BMERB1: variants seen among roughly 807,000 people sequenced by gnomAD.
BMERB1 encodes the protein bMERB domain-containing protein 1.
In BMERB1, 12 loss-of-function variants were observed where a neutral mutation model predicts 23.6. That is an observed-to-expected ratio of 0.51 (90% CI 0.33 to 0.82). BMERB1 has a LOEUF of 0.82. Ranked by LOEUF, BMERB1 falls within the 40% of genes least tolerant of loss-of-function variation. The pLI is 0.03. For synonymous variants in BMERB1, 122 were observed against 96.6 expected, an observed-to-expected ratio of 1.26 and a Z score of -1.54; for missense variants, 247 against 255.4, an observed-to-expected ratio of 0.97 and a Z score of 0.22.
chr16:15,494,622 A>C lies in BMERB1; in HGVS notation c.107-20683A>C, dbSNP rs139472229. Among the ~76,000 whole-genome samples, 1,047 of 152,258 alleles carry C rather than the reference A, an allele frequency of 6.9e-3. 5 individuals are homozygous for C. The highest frequency in any genetic ancestry group is 0.01 in the Middle Eastern group (3 of 294). On this transcript the variant is annotated intron_variant, in intron 1 of 5. Coordinates refer to ENST00000300006, the MANE Select transcript of BMERB1 (RefSeq NM_033201.3). The stretch of plus-strand genomic sequence containing the variant: ...CCTTAATGTGATAAAACTTTGCCTT[A>C]GACGGAGTTTGCTTTTTGGAATAAC...
chr16:15,500,037 T>C (rs2051512875), intron 1 of BMERB1, among the ~76,000 whole-genome samples: 2 of 151,888 alleles, frequency 1.3e-5, no homozygotes, highest in Admixed American at 1.3e-4. Context: ...GTGAGGGGGG[T>C]AGAGGGGAAT....
At chr16:15,456,622 A>C (rs1446361584) in intron 1 of BMERB1, among the ~76,000 whole-genome samples, 1 of 151,926 alleles carries the variant, frequency 6.6e-6, no homozygotes, top group Non-Finnish European at 1.5e-5. Flanking sequence ...ACACTGCATC[A>C]GCCAAAAAAA....
At chr16:15,435,002 C>T (rs2050875851) in intron 1 of BMERB1, among the ~76,000 whole-genome samples, 1 of 152,268 alleles carries the variant, frequency 6.6e-6, no homozygotes, top group African/African-American at 2.4e-5. Flanking sequence ...GCAGCTAAGG[C>T]AGGAGCCTGG....
intron 1 of BMERB1, among the ~76,000 whole-genome samples, chr16:15,438,767 CTAGA>C (rs2050910999): frequency 6.6e-6 from 1 of 152,138 alleles, no homozygotes; most frequent in Non-Finnish European, 1.5e-5. Flanking sequence ...GGCCTGTTTT[CTAGA>C]TGCGTGTTTG....
intron 1 of BMERB1, among the ~76,000 whole-genome samples, chr16:15,505,691 C>T (rs1469077982): frequency 6.6e-6 from 1 of 151,926 alleles, no homozygotes; most frequent in African/African-American, 2.4e-5. Flanking sequence ...AGATCGAGAC[C>T]ATCCTGGCTA....
chr16:15,585,209 G>A (rs1297855516), intron 5 of BMERB1, among the ~76,000 whole-genome samples: 1 of 152,214 alleles, frequency 6.6e-6, no homozygotes, highest in Non-Finnish European at 1.5e-5. Context: ...TTCATGAAAG[G>A]CAAGGTAGAA....
At chr16:15,561,672 C>T (rs1052677553) in intron 2 of BMERB1, among the ~76,000 whole-genome samples, 6 of 152,094 alleles carry the variant, frequency 3.9e-5, no homozygotes, top group African/African-American at 1.2e-4. Context: ...ATGGGAGGAT[C>T]GCTTGAGGCT....
intron 1 of BMERB1, among the ~76,000 whole-genome samples, chr16:15,444,822 C>G (rs1352342012): frequency 5.3e-5 from 8 of 152,024 alleles, no homozygotes; most frequent in African/African-American, 1.9e-4. Flanking sequence ...ACCTTTTTTT[C>G]CCCCACCTCA....
chr16:15,501,148 T>C (rs1443303727), intron 1 of BMERB1, among the ~76,000 whole-genome samples: 1 of 152,120 alleles, frequency 6.6e-6, no homozygotes, highest in African/African-American at 2.4e-5. Context: ...TTTATCTTTT[T>C]TTTTATTTTT....
At chr16:15,519,839 C>T (rs535179738) in intron 2 of BMERB1, among the ~76,000 whole-genome samples, 9 of 152,248 alleles carry the variant, frequency 5.9e-5, no homozygotes, top group African/African-American at 2.2e-4. Context: ...GCCTGTTCTT[C>T]CTCTTTTCCT....
rs371985961 is a variant in BMERB1, at chr16:15,488,832, C to A, written c.107-26473C>A. Among the ~76,000 whole-genome samples, 371 of 97,692 alleles carry A rather than the reference C, an allele frequency of 3.8e-3. 2 individuals carry two copies. Among genetic ancestry groups the A allele is most frequent in the African/African-American group, 0.013 (327 of 25,554 alleles). 64.1% of individuals were successfully genotyped at this position (97,692 alleles called of 152,430 possible). ...GACTCCGTCTCAAAAAAAAAAAAAACAAAGATATATAGTATTTGTGTGACT... is the reference window on the plus strand; with the variant it reads ...GACTCCGTCTCAAAAAAAAAAAAAAAAAAGATATATAGTATTTGTGTGACT... On this transcript the variant is annotated intron_variant, in intron 1 of 5. Coordinates refer to ENST00000300006, the MANE Select transcript of BMERB1 (RefSeq NM_033201.3).
intron 1 of BMERB1, among the ~76,000 whole-genome samples, chr16:15,470,334 G>A (rs1053782461): frequency 2.6e-5 from 4 of 151,976 alleles, no homozygotes; most frequent in African/African-American, 9.7e-5. Context: ...TAGTTGTGGT[G>A]TATAATTCTT....
At chr16:15,454,752 A>G (rs1293090491) in intron 1 of BMERB1, among the ~76,000 whole-genome samples, 1 of 151,364 alleles carries the variant, frequency 6.6e-6, no homozygotes, top group African/African-American at 2.4e-5. Flanking sequence ...AGATTGTGCC[A>G]CTGCACTCCA....
rs1335196824 is a variant in BMERB1 at position 15,586,765 on chromosome 16, T to C, written c.551T>C (p.Val184Ala). 1 of 1,612,596 alleles carries C rather than the reference T, an allele frequency of 6.2e-7. No homozygotes were observed. Among genetic ancestry groups the C allele is most frequent in the Non-Finnish European group, 8.5e-7 (1 of 1,179,644 alleles). ...KAEPPPSKPT[V>A]AKTGLALIKD... ...GAGCCCCCACCTAGCAAGCCCACGG[T>C]GGCCAAGACGGGGCTGGCACTGATC... The change falls in exon 6 of 6, where the codon GTG becomes GCG. Residue 184 changes from valine (V) to alanine (A), a missense_variant. Physicochemically the swap from Val to Ala is moderately conservative, Grantham distance 64 (BLOSUM62 0). Transcript: ENST00000300006.
intron 1 of BMERB1, among the ~76,000 whole-genome samples, chr16:15,492,381 A>C (rs1254276868): frequency 6.6e-6 from 1 of 152,180 alleles, no homozygotes. Context: ...GATCCTCTTC[A>C]TCTTCCATTG....
chr16:15,523,476 C>G (rs1046878396), intron 2 of BMERB1, among the ~76,000 whole-genome samples: 10 of 152,112 alleles, frequency 6.6e-5, no homozygotes, highest in African/African-American at 2.4e-4. Context: ...CTACCCAGCA[C>G]TTCCCTTCCT....
chr16:15,581,120 T>G (rs2031003420), intron 3 of BMERB1, 97 bp from the exon 4 acceptor site: 5 of 815,278 alleles, frequency 6.1e-6, no homozygotes, highest in Middle Eastern at 2.8e-4. Context: ...TTTCACCATG[T>G]TGACCAGGCT....
chr16:15,508,393 T>C (rs1444578248), intron 1 of BMERB1, among the ~76,000 whole-genome samples: 2 of 152,124 alleles, frequency 1.3e-5, no homozygotes, highest in African/African-American at 4.8e-5. Context: ...CTACTCAGTT[T>C]TTGCAATGCA....
chr16:15,562,077 G>A (rs1031952761), intron 2 of BMERB1, among the ~76,000 whole-genome samples: 7 of 151,916 alleles, frequency 4.6e-5, no homozygotes, highest in African/African-American at 7.3e-5. Context: ...GGAAGCTGAG[G>A]CAGGTGGATC....
Sources: allele counts gnomAD v4.1 joint callset (sites outside exome capture counted in the v4.1 genomes callset), GRCh38; gene constraint gnomAD v4.1.1; transcripts MANE v1.5; gene names NCBI Gene and HGNC (gene_info 2026-07-23, HGNC 2026-07-21).